Variants in ABCA13 observed in about 807,000 individuals in gnomAD.
The protein encoded by ABCA13 is ATP-binding cassette sub-family A member 13.
In ABCA13, 476 loss-of-function variants were observed where a neutral mutation model predicts 478.7. The observed-to-expected ratio is 0.99, with a 90% CI of 0.92 to 1.07. ABCA13 has a LOEUF of 1.07. Among genes scored for constraint, ABCA13 ranks in the 50% least tolerant of loss-of-function variants. ABCA13 has a pLI of 0.00. For missense variants in ABCA13, 6,060 were observed against 5,910.6 expected (o/e 1.03, Z -0.83); for synonymous variants, 2,252 against 2,158.9 (o/e 1.04, Z -1.20).
intron 8 of ABCA13, among the ~76,000 whole-genome samples, chr7:48,239,025 G>A (rs1294000130): frequency 6.6e-6 from 1 of 152,020 alleles, no homozygotes; most frequent in Non-Finnish European, 1.5e-5. Flanking sequence ...AGAAACAGCT[G>A]TTCCTATTGT....
intron 58 of ABCA13, among the ~76,000 whole-genome samples, chr7:48,597,310 T>C (rs1344653360): frequency 6.6e-6 from 1 of 152,202 alleles, no homozygotes; most frequent in Non-Finnish European, 1.5e-5. Context: ...CTCCTTTTCA[T>C]TCCAAACGGT....
Position 48,547,235 on chromosome 7 carries a change from G to T in ABCA13, c.14354+18890G>T, listed in dbSNP as rs192746857. Among the ~76,000 whole-genome samples the T allele has an allele frequency of 1.7e-3, 253 of 151,828 alleles. 5 individuals carry two copies. Among genetic ancestry groups the T allele is most frequent in the Non-Finnish European group, 2.9e-3 (195 of 67,800 alleles). ...ATATCAAAATGTTTTCAGAACTGCT[G>T]CACAGTCTTCACATTAATGCCTACC... is the stretch of plus-strand genomic sequence containing the variant. On this transcript the variant is annotated intron_variant, in intron 55 of 61. Transcript: ENST00000435803.
chr7:48,320,832 C>G (rs1331423536), intron 27 of ABCA13, among the ~76,000 whole-genome samples: 1 of 152,224 alleles, frequency 6.6e-6, no homozygotes, highest in Non-Finnish European at 1.5e-5. Flanking sequence ...ATCTAGCTCT[C>G]TCCCTTTGGC....
At chr7:48,582,714 C>T (rs1210472791) in intron 56 of ABCA13, among the ~76,000 whole-genome samples, 8 of 152,150 alleles carry the variant, frequency 5.3e-5, no homozygotes, top group African/African-American at 1.9e-4. Flanking sequence ...ACTTGCTGGT[C>T]ATTTCTAAGT....
intron 15 of ABCA13, among the ~76,000 whole-genome samples, chr7:48,268,161 T>A (rs771601532): frequency 5.9e-5 from 9 of 152,190 alleles, no homozygotes; most frequent in Non-Finnish European, 1.3e-4. Flanking sequence ...AAATTATTTA[T>A]TTATTTATTT....
At position 48,221,271 on chromosome 7, in the gene ABCA13, T is replaced by G; in HGVS notation, c.440-10T>G. 8.8e-7 allele frequency: 1 copy of G among 1,130,490 alleles called. No homozygotes were observed. Among genetic ancestry groups the G allele is most frequent in the East Asian group, 2.7e-5 (1 of 37,576 alleles). 70.0% of individuals were successfully genotyped at this position (1,130,490 alleles called of 1,614,324 possible). On this transcript the variant is annotated splice_polypyrimidine_tract_variant and intron_variant, in intron 4 of 61. Transcript: ENST00000435803. ...TTGAACTAATATCTCTTAAACCTTC[T>G]TTATTATAGATTCTTCTTATGGTTC...
intron 38 of ABCA13, among the ~76,000 whole-genome samples, chr7:48,398,934 T>C (rs1024353803): frequency 6.6e-6 from 1 of 152,028 alleles, no homozygotes; most frequent in Non-Finnish European, 1.5e-5. Context: ...CCAAGTCCAC[T>C]AATGGTGAGG....
At chr7:48,629,575 CAAAAAAA>C (rs11392411) in intron 59 of ABCA13, among the ~76,000 whole-genome samples, 5 of 66,958 alleles carry the variant, frequency 7.5e-5, no homozygotes, top group Non-Finnish European at 1.4e-4. Flanking sequence ...TACATTTTGG[CAAAAAAA>C]AAAAAAAAAA....
At position 48,274,430 on chromosome 7, in the gene ABCA13, G is replaced by A. The variant is rs749505669; in HGVS notation, c.4764G>A (p.Lys1588=). The stretch of plus-strand genomic sequence containing the variant: ...TATTTGCCACCAGTCCAAAAGAAAA[G>A]GATGTAAACAGTGTAGGCAATTCCA... ...LNIFATSPKE[K]DVNSVGNSIY... The change falls in exon 17 of 62, where the codon AAG becomes AAA. Residue 1588 remains lysine, a synonymous_variant. Transcript: ENST00000435803. 5.6e-6 allele frequency: 9 copies of A among 1,613,182 alleles called. No homozygotes were observed. The highest frequency in any genetic ancestry group is 1.7e-4 in the Middle Eastern group (1 of 6,054).
intron 31 of ABCA13, among the ~76,000 whole-genome samples, chr7:48,355,523 A>G (rs1336175334): frequency 1.3e-5 from 2 of 152,010 alleles, no homozygotes; most frequent in Non-Finnish European, 2.9e-5. Flanking sequence ...TCTGACTTAT[A>G]CTGTAAAAGT....
chr7:48,628,563 CTA>C (rs1211947516), intron 59 of ABCA13, among the ~76,000 whole-genome samples: 8 of 152,320 alleles, frequency 5.3e-5, no homozygotes, highest in Admixed American at 4.6e-4. Context: ...AACATCCTTA[CTA>C]TTTGGGGCTT....
intron 1 of ABCA13, among the ~76,000 whole-genome samples, chr7:48,177,125 A>T (rs1794989982): frequency 6.6e-6 from 1 of 152,246 alleles, no homozygotes; most frequent in South Asian, 2.1e-4. Flanking sequence ...TACAGATATC[A>T]AGCCTCAGAA....
At chr7:48,607,101 C>A (rs1791550317) in intron 58 of ABCA13, among the ~76,000 whole-genome samples, 1 of 152,202 alleles carries the variant, frequency 6.6e-6, no homozygotes, top group Non-Finnish European at 1.5e-5. Context: ...GCTGTGCTAG[C>A]AGCAAGAATT....
chr7:48,225,135 G>GCCTGCCTGCCTTCCTTCCTTCCTTCCTT (rs1312566145), intron 5 of ABCA13, among the ~76,000 whole-genome samples: 2 of 69,892 alleles, frequency 2.9e-5, no homozygotes, highest in African/African-American at 1.1e-4. Context: ...CTGCCTGCCT[G>GCCTGCCTGCCTTCCTTCCTTCCTTCCTT]CCTTCCTTCC....
At chr7:48,262,494 A>G (rs1794329835) in intron 15 of ABCA13, among the ~76,000 whole-genome samples, 2 of 151,926 alleles carry the variant, frequency 1.3e-5, no homozygotes, top group African/African-American at 4.8e-5. Flanking sequence ...GTTTAAGCTT[A>G]AACTTTTCCT....
chr7:48,301,285 C>G (rs963516697), intron 23 of ABCA13, among the ~76,000 whole-genome samples: 1 of 152,026 alleles, frequency 6.6e-6, no homozygotes, highest in Non-Finnish European at 1.5e-5. Flanking sequence ...TTTGGTGAAT[C>G]TGGTCAAATT....
chr7:48,617,866 A>G (rs570044349), intron 59 of ABCA13, among the ~76,000 whole-genome samples: 87 of 152,266 alleles, frequency 5.7e-4, no homozygotes, highest in African/African-American at 2.0e-3. Context: ...AAAGGAATGT[A>G]AGGATCAGAA....
At chr7:48,229,553 T>C (rs1788748220) in intron 6 of ABCA13, among the ~76,000 whole-genome samples, 1 of 152,236 alleles carries the variant, frequency 6.6e-6, no homozygotes, top group African/African-American at 2.4e-5. Context: ...GCAGAGCCAA[T>C]GCAAACTTGA....
intron 41 of ABCA13, among the ~76,000 whole-genome samples, chr7:48,417,830 A>G (rs1191101602): frequency 1.3e-5 from 2 of 152,122 alleles, no homozygotes; most frequent in African/African-American, 4.8e-5. Context: ...CTGCCTAGCC[A>G]TTCCTCCCTG....
Sources: gnomAD v4.1 joint callset for allele counts (sites outside exome capture counted in the v4.1 genomes callset) on GRCh38, gnomAD v4.1.1 for gene constraint, MANE v1.5 for transcripts, NCBI Gene and HGNC (gene_info 2026-07-23, HGNC 2026-07-21) for gene names.